METAP1D: variants seen among roughly 807,000 people sequenced by gnomAD.
METAP1D encodes methionyl aminopeptidase type 1D, mitochondrial, also known as methionine aminopeptidase 1D, mitochondrial.
METAP1D carries 31 observed loss-of-function variants against 40.5 expected under a neutral mutation model. The observed-to-expected ratio is 0.77, with a 90% CI of 0.58 to 1.03. The LOEUF (loss-of-function observed/expected upper bound fraction) is 1.03. Among genes scored for constraint, METAP1D ranks in the 50% least tolerant of loss-of-function variants. METAP1D has a pLI of 0.00. For synonymous variants in METAP1D, 151 were observed against 146.4 expected, an observed-to-expected ratio of 1.03 and a Z score of -0.22; for missense variants, 411 against 420.7, an observed-to-expected ratio of 0.98 and a Z score of 0.20.
At chr2:172,054,336 A>G (rs932717504) in intron 1 of METAP1D, among the ~76,000 whole-genome samples, 1 of 152,126 alleles carries the variant, frequency 6.6e-6, no homozygotes, top group African/African-American at 2.4e-5. Context: ...CCTGGCCAAC[A>G]TGGTGAAACC....
In METAP1D at chr2:172,063,741, G is replaced by A. The variant is rs201829527; in HGVS notation, c.229G>A (p.Gly77Ser). 22 of 1,613,996 alleles carry A rather than the reference G, an allele frequency of 1.4e-5. 1 individual carries two copies. The East Asian group carries it at 4.5e-4, about 33-fold the overall frequency. Residue 77 changes from glycine (G) to serine (S), a missense_variant, in exon 3 of 10, where the codon GGC becomes AGC. Coordinates refer to ENST00000315796, the MANE Select transcript of METAP1D (RefSeq NM_199227.3). ...AAAGAAGCCAGACTATGTGACGACA[G>A]GCATTGTACCAGACTGGGGAGACAG... ...HIKKPDYVTT[G>S]IVPDWGDSIE...
intron 1 of METAP1D, among the ~76,000 whole-genome samples, chr2:172,037,723 T>G (rs1188268543): frequency 6.6e-6 from 1 of 152,208 alleles, no homozygotes; most frequent in South Asian, 2.1e-4. Flanking sequence ...TCTGAACACT[T>G]AATATCTAGA....
At chr2:172,040,255 C>T (rs1965159) in intron 1 of METAP1D, among the ~76,000 whole-genome samples, 42,173 of 152,094 alleles carry the variant, frequency 0.28, 6,761 homozygotes, top group Middle Eastern at 0.4. Context: ...TGCGCCCGGC[C>T]GAAAACTTTT....
chr2:172,056,634 A>G (rs555955290), intron 1 of METAP1D, among the ~76,000 whole-genome samples: 1 of 152,368 alleles, frequency 6.6e-6, no homozygotes, highest in African/African-American at 2.4e-5. Flanking sequence ...AGGCATTTAG[A>G]GACCCCACAG....
Position 172,015,344 on chromosome 2 carries a change from G to A in METAP1D, c.40+15335G>A, listed in dbSNP as rs1386876773. Among the ~76,000 whole-genome samples, 8 of 152,208 alleles carry A rather than the reference G, an allele frequency of 5.3e-5. No homozygotes were observed. In the East Asian group the frequency reaches 1.4e-3, roughly 26 times the overall value. On this transcript the variant is annotated intron_variant, in intron 1 of 9. Coordinates refer to ENST00000315796, the MANE Select transcript of METAP1D (RefSeq NM_199227.3). ...GGAGAATCACTTGAACCCAGGAGGT[G>A]GAGGTTGCAGTGAGCTGGGATTGCA...
chr2:172,041,726 T>TTATATATATATATATATATA lies in METAP1D; in HGVS notation c.41-19750_41-19731dup, dbSNP rs67708838. On this transcript the variant is annotated intron_variant, in intron 1 of 9. Transcript: ENST00000315796. ...TTTTAATTTCCTTACTCTAATTATT[T>TTATATATATATATATATATA]TATATATATATATATATATATATAT... Among the ~76,000 whole-genome samples, 53 of 37,558 alleles carry TTATATATATATATATATATA rather than the reference T, an allele frequency of 1.4e-3. 1 individual carries two copies. Among genetic ancestry groups the TTATATATATATATATATATA allele is most frequent in the African/African-American group, 1.9e-3 (24 of 12,432 alleles). The allele number at this position is 37,558 out of a possible 152,430, so 24.6% of individuals were successfully genotyped here.
rs1553493427 is a variant in METAP1D at position 172,041,726 on chromosome 2, T to TATATATA, written c.41-19772_41-19771insATATATA. Among the ~76,000 whole-genome samples, 13 of 37,566 alleles carry TATATATA rather than the reference T, an allele frequency of 3.5e-4. 3 individuals are homozygous for TATATATA. The highest frequency in any genetic ancestry group is 6.4e-4 in the Non-Finnish European group (10 of 15,594). The allele number at this position is 37,566 out of a possible 152,430, so 24.6% of individuals were successfully genotyped here. Reference sequence around the variant, plus strand: ...TTTTAATTTCCTTACTCTAATTATTTTATATATATATATATATATATATAT... The same window carrying TATATATA: ...TTTTAATTTCCTTACTCTAATTATTTATATATATATATATATATATATATATATATAT... On this transcript the variant is annotated intron_variant, in intron 1 of 9. Coordinates refer to ENST00000315796, the MANE Select transcript of METAP1D (RefSeq NM_199227.3).
intron 1 of METAP1D, among the ~76,000 whole-genome samples, chr2:172,031,859 C>A (rs1382819017): frequency 6.6e-6 from 1 of 152,160 alleles, no homozygotes; most frequent in Non-Finnish European, 1.5e-5. Context: ...ATGGGAATAA[C>A]CAGTTGCTTC....
intron 1 of METAP1D, among the ~76,000 whole-genome samples, chr2:172,047,483 G>C (rs958318050): frequency 4.6e-5 from 7 of 152,048 alleles, no homozygotes; most frequent in Admixed American, 1.3e-4. Flanking sequence ...GCCCAGGCTG[G>C]AATGCAGTGG....
In METAP1D at chr2:171,999,988, G is replaced by T; in HGVS notation, c.19G>T (p.Val7Phe). Residue 7 changes from valine to phenylalanine, a missense_variant, in exon 1 of 10, where the codon GTC becomes TTC. Coordinates refer to ENST00000315796, the MANE Select transcript of METAP1D (RefSeq NM_199227.3). ...CGCCAACATGGCGGCGCCCAGTGGC[G>T]TCCACCTGCTCGTCCGCAGAGGTAA... MAAPSG[V>F]HLLVRRGSHR... 7.4e-7 allele frequency: 1 copy of T among 1,346,290 alleles called. No individual in the cohort carries two copies. The highest frequency in any genetic ancestry group is 1.9e-5 in the South Asian group (1 of 53,282). 83.4% of individuals were successfully genotyped at this position (1,346,290 alleles called of 1,614,324 possible).
intron 3 of METAP1D, among the ~76,000 whole-genome samples, 174 bp from the exon 4 acceptor site, chr2:172,065,430 A>G (rs1690249420): frequency 6.6e-6 from 1 of 152,208 alleles, no homozygotes. Context: ...GATTGTCCAC[A>G]AGGCACAGTT....
intron 1 of METAP1D, among the ~76,000 whole-genome samples, chr2:172,012,775 C>T (rs970798170): frequency 5.3e-5 from 8 of 152,128 alleles, no homozygotes; most frequent in Non-Finnish European, 1.2e-4. Flanking sequence ...ACTGCTTATG[C>T]TTAAATGTTG....
intron 5 of METAP1D, among the ~76,000 whole-genome samples, chr2:172,068,264 G>C (rs1399967112): frequency 1.3e-5 from 2 of 151,944 alleles, no homozygotes; most frequent in East Asian, 3.9e-4. Flanking sequence ...GTGGGGGCAG[G>C]AGCCTCTAAT....
intron 1 of METAP1D, among the ~76,000 whole-genome samples, chr2:172,014,600 T>C (rs1688809868): frequency 6.6e-6 from 1 of 152,226 alleles, no homozygotes; most frequent in African/African-American, 2.4e-5. Context: ...TTGATGACTA[T>C]CTTGCCACTT....
At chr2:172,043,117 A>ATTTTT (rs1430978696) in intron 1 of METAP1D, among the ~76,000 whole-genome samples, 1 of 117,972 alleles carries the variant, frequency 8.5e-6, no homozygotes, top group African/African-American at 2.8e-5. Flanking sequence ...ATATATATAT[A>ATTTTT]TTTTTTGGGA....
chr2:172,039,980 T>A (rs72892859), intron 1 of METAP1D, among the ~76,000 whole-genome samples: 3 of 134,112 alleles, frequency 2.2e-5, no homozygotes, highest in Non-Finnish European at 4.8e-5. Context: ...CAGCCAAAAC[T>A]TTTTTTTGTT....
chr2:172,075,227 G>C (rs1690513868), intron 6 of METAP1D, among the ~76,000 whole-genome samples: 1 of 152,176 alleles, frequency 6.6e-6, no homozygotes, highest in South Asian at 2.1e-4. Flanking sequence ...CAAATCACAA[G>C]TGTGCTTGGG....
chr2:172,054,324 A>G (rs1689952001), intron 1 of METAP1D, among the ~76,000 whole-genome samples: 1 of 152,116 alleles, frequency 6.6e-6, no homozygotes, highest in African/African-American at 2.4e-5. Context: ...GATCGAGACC[A>G]TCCTGGCCAA....
chr2:172,006,384 C>A (rs748607936), intron 1 of METAP1D, among the ~76,000 whole-genome samples: 3 of 152,004 alleles, frequency 2.0e-5, no homozygotes, highest in Non-Finnish European at 4.4e-5. Flanking sequence ...GGGGTTTCAC[C>A]GTGTTAGCCA....
Sources: gnomAD v4.1 joint callset for allele counts (sites outside exome capture counted in the v4.1 genomes callset) on GRCh38, gnomAD v4.1.1 for gene constraint, MANE v1.5 for transcripts, NCBI Gene and HGNC (gene_info 2026-07-23, HGNC 2026-07-21) for gene names.